The following ARHGAP12 variants were observed in gnomAD, a reference collection of about 807,000 sequenced individuals.
ARHGAP12 encodes rho GTPase-activating protein 12.
In ARHGAP12, 64 loss-of-function variants were observed where a neutral mutation model predicts 108.6. The observed-to-expected ratio is 0.59, with a 90% confidence interval of 0.48 to 0.73. ARHGAP12 has a LOEUF of 0.73. Among genes scored for constraint, ARHGAP12 ranks in the 30% least tolerant of loss-of-function variants. ARHGAP12 has a pLI of 0.00. For missense variants in ARHGAP12, 940 were observed against 1,005.9 expected, an observed-to-expected ratio of 0.93 and a Z score of 0.89; for synonymous variants, 312 against 337.2, an observed-to-expected ratio of 0.93 and a Z score of 0.82.
rs149377876 is a variant in ARHGAP12 at position 31,921,146 on chromosome 10, C to T, written c.-111+7537G>A. Among the ~76,000 whole-genome samples the T allele has an allele frequency of 1.6e-3, 247 of 152,062 alleles. 2 individuals are homozygous for T. In the South Asian group the frequency reaches 0.025, roughly 15 times the overall value. On this transcript the variant is annotated intron_variant, in intron 1 of 19. Coordinates refer to ENST00000344936, the MANE Select transcript of ARHGAP12 (RefSeq NM_018287.7). ...ACAAAAACTAAAAAAACTAGCCGGGCATGGTGATATGCACCTGTAGTCCCA... is the reference window on the plus strand; with the variant it reads ...ACAAAAACTAAAAAAACTAGCCGGGTATGGTGATATGCACCTGTAGTCCCA...
chr10:31,894,736 T>C (rs377124952), intron 3 of ARHGAP12, among the ~76,000 whole-genome samples: 1 of 152,184 alleles, frequency 6.6e-6, no homozygotes, highest in South Asian at 2.1e-4. Context: ...TTCACAGAAT[T>C]GGAAAAAACT....
intron 11 of ARHGAP12, among the ~76,000 whole-genome samples, chr10:31,825,479 C>G (rs1346992317): frequency 1.3e-5 from 2 of 152,026 alleles, no homozygotes; most frequent in African/African-American, 4.8e-5. Context: ...TTAGAAATAG[C>G]CAGAGCATGG....
chr10:31,830,513 A>C (rs1835793115), intron 10 of ARHGAP12, among the ~76,000 whole-genome samples: 1 of 152,172 alleles, frequency 6.6e-6, no homozygotes. Flanking sequence ...AATTCTACCA[A>C]AGAACAGTTT....
At chr10:31,924,388 C>T (rs533544682) in intron 1 of ARHGAP12, among the ~76,000 whole-genome samples, 4 of 151,934 alleles carry the variant, frequency 2.6e-5, no homozygotes, top group East Asian at 1.9e-4. Context: ...AGAGAAAACA[C>T]GAAAAAAAGC....
chr10:31,912,495 CA>C (rs1839394207), intron 1 of ARHGAP12, among the ~76,000 whole-genome samples: 1 of 152,030 alleles, frequency 6.6e-6, no homozygotes, highest in South Asian at 2.1e-4. Context: ...ACAGTGACTA[CA>C]AAGATAAGTA....
intron 10 of ARHGAP12, 105 bp from the exon 11 acceptor site, chr10:31,826,490 AC>A: frequency 1.2e-6 from 1 of 811,274 alleles, no homozygotes; most frequent in South Asian, 2.0e-5. Flanking sequence ...TCTACAATTT[AC>A]AGCCTTGTTG....
At chr10:31,841,571 G>T (rs1347710806) in intron 7 of ARHGAP12, among the ~76,000 whole-genome samples, 1 of 152,100 alleles carries the variant, frequency 6.6e-6, no homozygotes, top group South Asian at 2.1e-4. Flanking sequence ...GTAAATAATT[G>T]ATATTCTACA....
chr10:31,847,851 T>G (rs1189931237), intron 6 of ARHGAP12, among the ~76,000 whole-genome samples: 9 of 152,160 alleles, frequency 5.9e-5, no homozygotes, highest in Non-Finnish European at 7.3e-5. Flanking sequence ...CAGCACATCA[T>G]GCAGAAGGAT....
chr10:31,928,829 T>G lies in ARHGAP12; in HGVS notation c.-257A>C, dbSNP rs1222956237. ...GGCTGGCCTCTGAGGGAGGGTAAGTTACAGGGCACGTCGGAGCGCGCCGGC... is the reference window on the plus strand; with the variant it reads ...GGCTGGCCTCTGAGGGAGGGTAAGTGACAGGGCACGTCGGAGCGCGCCGGC... On this transcript the variant is annotated 5_prime_UTR_variant, in exon 1 of 20. Transcript: ENST00000344936. 1 of 151,392 alleles carries G rather than the reference T, an allele frequency of 6.6e-6. No homozygotes were observed. Among genetic ancestry groups the G allele is most frequent in the Non-Finnish European group, 1.5e-5 (1 of 67,834 alleles). The allele number at this position is 151,392 out of a possible 1,614,324, so 9.4% of individuals were successfully genotyped here. A position where few individuals can be genotyped will look rare whatever the true frequency, so the allele number is the denominator to read the frequency against.
chr10:31,808,616 A>T, intron 19 of ARHGAP12, 33 bp downstream of exon 19: 1 of 1,599,482 alleles, frequency 6.3e-7, no homozygotes, highest in Non-Finnish European at 8.6e-7. Context: ...CCCTTGTGCT[A>T]TACCACATCC....
chr10:31,919,605 C>A (rs1018012970), intron 1 of ARHGAP12, among the ~76,000 whole-genome samples: 1 of 149,748 alleles, frequency 6.7e-6, no homozygotes, highest in African/African-American at 2.5e-5. Context: ...ATCCTGGCTC[C>A]CACGGTGAAA....
At chr10:31,918,711 A>C (rs755006488) in intron 1 of ARHGAP12, among the ~76,000 whole-genome samples, 24 of 152,214 alleles carry the variant, frequency 1.6e-4, no homozygotes, top group Non-Finnish European at 3.2e-4. Flanking sequence ...GTCTCAAATA[A>C]ATAAATATAA....
intron 3 of ARHGAP12, among the ~76,000 whole-genome samples, chr10:31,880,756 T>C (rs1459948348): frequency 6.6e-6 from 1 of 152,022 alleles, no homozygotes; most frequent in Non-Finnish European, 1.5e-5. Flanking sequence ...TTAAGTAAAT[T>C]ATACTTCTTA....
Position 31,905,115 on chromosome 10 carries a change from TA to T in ARHGAP12, c.684+3056del, listed in dbSNP as rs566475373. On this transcript the variant is annotated intron_variant, in intron 3 of 19. Coordinates refer to ENST00000344936, the MANE Select transcript of ARHGAP12 (RefSeq NM_018287.7). ...ACTGGTTACAGAATATATACATAAG[TA>T]AAAATTCATCAAGCCATACACTGAA... 1.0e-3 allele frequency among the ~76,000 whole-genome samples: 158 copies of T among 151,528 alleles called. 2 individuals carry two copies. In the Middle Eastern group the frequency reaches 0.014, roughly 13 times the overall value.
At chr10:31,854,503 C>T (rs1015250277) in intron 4 of ARHGAP12, among the ~76,000 whole-genome samples, 52 of 152,060 alleles carry the variant, frequency 3.4e-4, no homozygotes, top group Non-Finnish European at 6.8e-4. Flanking sequence ...GTGCTGCTTT[C>T]GTGCTGAAAT....
Position 31,885,280 on chromosome 10 carries a change from G to C in ARHGAP12, c.684+22892C>G, listed in dbSNP as rs539434785. Among the ~76,000 whole-genome samples the C allele has an allele frequency of 9.9e-5, 15 of 152,192 alleles. No individual in the cohort carries two copies. In the East Asian group the frequency reaches 2.7e-3, roughly 27 times the overall value. ...TCCTTGACTTCTTAACCTGGGAACA[G>C]GAAACTATTTTTTCAATGTAAAAAT... is the stretch of plus-strand genomic sequence containing the variant. On this transcript the variant is annotated intron_variant, in intron 3 of 19. Transcript: ENST00000344936.
At chr10:31,836,610 T>A (rs369139093) in intron 9 of ARHGAP12, among the ~76,000 whole-genome samples, 3 of 152,110 alleles carry the variant, frequency 2.0e-5, no homozygotes, top group Admixed American at 6.5e-5. Flanking sequence ...GATGATGGTA[T>A]CATTTCCACT....
At chr10:31,855,847 C>T (rs769385640) in intron 4 of ARHGAP12, among the ~76,000 whole-genome samples, 1 of 152,150 alleles carries the variant, frequency 6.6e-6, no homozygotes, top group Non-Finnish European at 1.5e-5. Context: ...AAGTAACCTC[C>T]AATATCTTCA....
intron 10 of ARHGAP12, chr10:31,826,711 C>A: frequency 4.8e-6 from 1 of 209,420 alleles, no homozygotes; most frequent in Non-Finnish European, 9.4e-6. Context: ...TAAAGTCACA[C>A]AAGTGGAATA....
Sources: allele counts gnomAD v4.1 joint callset (sites outside exome capture counted in the v4.1 genomes callset), GRCh38; gene constraint gnomAD v4.1.1; transcripts MANE v1.5; gene names NCBI Gene and HGNC (gene_info 2026-07-23, HGNC 2026-07-21).